IL21R: variants seen among roughly 807,000 people sequenced by gnomAD.
The protein encoded by IL21R is interleukin 21 receptor.
IL21R carries 14 observed loss-of-function variants against 41.3 expected under a neutral mutation model. The observed-to-expected ratio is 0.34, with a 90% CI of 0.22 to 0.53. The LOEUF (loss-of-function observed/expected upper bound fraction) is 0.53, where lower values mean the gene tolerates loss of function less well. Among genes scored for constraint, IL21R ranks in the 20% least tolerant of loss-of-function variants. The probability of loss-of-function intolerance (pLI) is 0.94; values close to 1 mark genes in which losing one functional copy is unlikely to be tolerated. For missense variants in IL21R, 588 were observed against 681.6 expected, an observed-to-expected ratio of 0.86 and a Z score of 1.53; for synonymous variants, 286 against 287.6, an observed-to-expected ratio of 0.99 and a Z score of 0.05.
At chr16:27,435,974 TGTTAGCCCACCTG>T (rs2087262713) in intron 3 of IL21R, among the ~76,000 whole-genome samples, 1 of 152,152 alleles carries the variant, frequency 6.6e-6, no homozygotes, top group African/African-American at 2.4e-5. Context: ...GGTTTTGTCA[TGTTAGCCCACCTG>T]GTCTCGAACT....
intron 3 of IL21R, 49 bp from the exon 4 acceptor site, chr16:27,437,438 TC>T (rs748112126): frequency 4.7e-6 from 7 of 1,477,974 alleles, no homozygotes; most frequent in Middle Eastern, 2.3e-4. Flanking sequence ...CCCACCACCA[TC>T]CCCCCTGCCC....
chr16:27,446,375 G>T (rs2087479302), intron 8 of IL21R, among the ~76,000 whole-genome samples: 1 of 152,114 alleles, frequency 6.6e-6, no homozygotes, highest in African/African-American at 2.4e-5. Context: ...TTGAGGCCAG[G>T]AGTTCAAAAA....
intron 1 of IL21R, among the ~76,000 whole-genome samples, chr16:27,415,625 A>G (rs545508838): frequency 5.6e-4 from 85 of 152,350 alleles, no homozygotes; most frequent in Non-Finnish European, 1.1e-3. Context: ...GTCCTCCACC[A>G]TAGCAATGCT....
chr16:27,436,354 T>A (rs1372644240), intron 3 of IL21R, among the ~76,000 whole-genome samples: 1 of 152,200 alleles, frequency 6.6e-6, no homozygotes, highest in Non-Finnish European at 1.5e-5. Context: ...GCACTGCCAG[T>A]GCAAAGGCCC....
intron 4 of IL21R, among the ~76,000 whole-genome samples, chr16:27,439,820 C>T (rs932634706): frequency 1.3e-5 from 2 of 152,116 alleles, no homozygotes; most frequent in South Asian, 2.1e-4. Context: ...CACCTCCCGC[C>T]GAGGGTCCCT....
rs145941251 is a variant in IL21R at position 27,421,754 on chromosome 16, G to A, written c.-16-8302G>A. 1.7e-3 allele frequency among the ~76,000 whole-genome samples: 256 copies of A among 151,990 alleles called. 1 individual carries two copies. In the South Asian group the frequency reaches 0.018, roughly 10 times the overall value. ...TATTAGCTCTAATTGGTTTTTGTTCGTTTTAGGTGTAAATTCCTTTAGTTT... is the reference window on the plus strand; with the variant it reads ...TATTAGCTCTAATTGGTTTTTGTTCATTTTAGGTGTAAATTCCTTTAGTTT... On this transcript the variant is annotated intron_variant, in intron 1 of 8. Transcript: ENST00000337929.
At chr16:27,404,270 G>C (rs542076561) in intron 1 of IL21R, among the ~76,000 whole-genome samples, 13 of 152,180 alleles carry the variant, frequency 8.5e-5, no homozygotes, top group Non-Finnish European at 1.5e-4. Context: ...CTTGTGATAG[G>C]AGGAGGCAGA....
chr16:27,442,841 C>T (rs2087413265), intron 4 of IL21R, 121 bp from the exon 5 acceptor site: 3 of 870,782 alleles, frequency 3.4e-6, no homozygotes, highest in Admixed American at 2.5e-5. Flanking sequence ...TTCATCTCAT[C>T]CATGATGGGT....
chr16:27,420,079 G>A (rs1029822866), intron 1 of IL21R, among the ~76,000 whole-genome samples: 3 of 151,790 alleles, frequency 2.0e-5, no homozygotes, highest in South Asian at 2.1e-4. Context: ...TAGTTGAAAC[G>A]GGGTTTCACC....
chr16:27,433,950 C>T lies in IL21R; in HGVS notation c.50-397C>T, dbSNP rs569335844. The stretch of plus-strand genomic sequence containing the variant: ...GGTCCTGACCCTCTTGGGGTGTGTG[C>T]GTGTGCTCTGGCTGGGTTCCTACCA... On this transcript the variant is annotated intron_variant, in intron 2 of 8. Coordinates refer to ENST00000337929, the MANE Select transcript of IL21R (RefSeq NM_181078.3). Among the ~76,000 whole-genome samples the T allele has an allele frequency of 7.2e-5, 11 of 152,040 alleles. No individual in the cohort carries two copies. In the South Asian group the frequency reaches 1.0e-3, roughly 14 times the overall value.
chr16:27,437,434 ACCATCCCCCCTG>A, intron 3 of IL21R, 42 bp from the exon 4 acceptor site: 1 of 1,460,150 alleles, frequency 6.8e-7, no homozygotes, highest in Non-Finnish European at 9.5e-7. Context: ...TGAGCCCACC[ACCATCCCCCCTG>A]CCCCTGGCTT....
Position 27,448,529 on chromosome 16 carries a change from C to T in IL21R, c.868-5C>T. 1 of 1,584,682 alleles carries T rather than the reference C, an allele frequency of 6.3e-7. No individual in the cohort carries two copies. The highest frequency in any genetic ancestry group is 8.6e-7 in the Non-Finnish European group (1 of 1,167,924). ...GCTATGACTCTCTCTTTTTCTCTCT[C>T]ACAGAAATGGGTGGGTGCACCCTTC... is the stretch of plus-strand genomic sequence containing the variant. On this transcript the variant is annotated splice_region_variant and splice_polypyrimidine_tract_variant and intron_variant, in intron 8 of 8. Transcript: ENST00000337929.
At chr16:27,404,238 A>G (rs2141252009) in intron 1 of IL21R, among the ~76,000 whole-genome samples, 1 of 152,214 alleles carries the variant, frequency 6.6e-6, no homozygotes, top group East Asian at 1.9e-4. Context: ...ACTCAGTCCC[A>G]CAGTGGAGGT....
chr16:27,414,759 A>G (rs967551888), intron 1 of IL21R, among the ~76,000 whole-genome samples: 14 of 152,134 alleles, frequency 9.2e-5, no homozygotes, highest in African/African-American at 3.1e-4. Context: ...TACAACATGC[A>G]TACTTATTAT....
At chr16:27,426,885 A>C (rs1333899150) in intron 1 of IL21R, among the ~76,000 whole-genome samples, 1 of 152,168 alleles carries the variant, frequency 6.6e-6, no homozygotes, top group Non-Finnish European at 1.5e-5. Flanking sequence ...TGATTAAGCA[A>C]CATAGGTGGT....
chr16:27,410,341 A>G (rs1423236981), intron 1 of IL21R, among the ~76,000 whole-genome samples: 1 of 152,170 alleles, frequency 6.6e-6, no homozygotes, highest in Non-Finnish European at 1.5e-5. Context: ...TCAAAAAAAA[A>G]AAAAAAGTCT....
chr16:27,434,510 C>T (rs1567366742), intron 3 of IL21R, 61 bp downstream of exon 3: 4 of 1,039,914 alleles, frequency 3.8e-6, no homozygotes, highest in South Asian at 2.6e-5. Flanking sequence ...CTCAGTGATT[C>T]CCCCAGGAGG....
intron 2 of IL21R, among the ~76,000 whole-genome samples, chr16:27,431,574 T>G (rs991972072): frequency 4.6e-5 from 7 of 152,162 alleles, no homozygotes; most frequent in Non-Finnish European, 5.9e-5. Context: ...AATAGACATT[T>G]ACTGCTCGCA....
At chr16:27,418,097 G>T (rs920830568) in intron 1 of IL21R, among the ~76,000 whole-genome samples, 12 of 143,618 alleles carry the variant, frequency 8.4e-5, no homozygotes, top group Non-Finnish European at 1.3e-4. Flanking sequence ...TAAGACGGAG[G>T]TTCGCTCTAT....
Sources: allele counts gnomAD v4.1 joint callset (sites outside exome capture counted in the v4.1 genomes callset), GRCh38; gene constraint gnomAD v4.1.1; transcripts MANE v1.5; gene names NCBI Gene and HGNC (gene_info 2026-07-23, HGNC 2026-07-21).